Variants in SMLR1 observed in about 807,000 individuals in gnomAD.
The protein encoded by SMLR1 is small leucine rich protein 1.
A neutral mutation model predicts 6.1 loss-of-function variants in SMLR1; 3 were observed. The observed-to-expected ratio is 0.49, with a 90% CI of 0.22 to 1.28. The LOEUF (loss-of-function observed/expected upper bound fraction) is 1.28. Ranked by LOEUF, SMLR1 falls within the 50% of genes most tolerant of loss-of-function variation. SMLR1 has a pLI of 0.19. For synonymous variants in SMLR1, 55 were observed against 53.6 expected, an observed-to-expected ratio of 1.03 and a Z score of -0.11; for missense variants, 126 against 124.8, an observed-to-expected ratio of 1.01 and a Z score of -0.05.
At position 130,836,697 on chromosome 6, in the gene SMLR1, C is replaced by T. The variant is rs1000003991; in HGVS notation, c.*1742C>T. 6.6e-6 allele frequency: 1 copy of T among 152,170 alleles called. No individual in the cohort carries two copies. The highest frequency in any genetic ancestry group is 2.4e-5 in the African/African-American group (1 of 41,440). 9.4% of individuals were successfully genotyped at this position (152,170 alleles called of 1,614,324 possible). On this transcript the variant is annotated 3_prime_UTR_variant, in exon 2 of 2. Transcript: ENST00000541421. ...TTTTATATGTAGAGAGGGGCAGAAACATGTTCATTTTCCCATGAAGGAACA... is the reference window on the plus strand; with the variant it reads ...TTTTATATGTAGAGAGGGGCAGAAATATGTTCATTTTCCCATGAAGGAACA...
rs1774309089 is a variant in SMLR1 at position 130,827,434 on chromosome 6, C to G, written c.21C>G (p.Ser7Arg). 6.5e-7 allele frequency: 1 copy of G among 1,535,778 alleles called. No homozygotes were observed. ...GAGACATGCTGAGCAAAGGCCGGAGCCCCAGAAGAAAACAAGTACAGACTC... is the reference window on the plus strand; with the variant it reads ...GAGACATGCTGAGCAAAGGCCGGAGGCCCAGAAGAAAACAAGTACAGACTC... MLSKGRSPRRKQVQTQR... is the reference protein window; with the variant it reads MLSKGRRPRRKQVQTQR... Residue 7 changes from serine to arginine, a missense_variant, in exon 1 of 2, where the codon AGC (serine) becomes AGG (arginine). Ser to Arg is a moderately radical substitution (Grantham distance 110, BLOSUM62 -1). Coordinates refer to ENST00000541421, the MANE Select transcript of SMLR1 (RefSeq NM_001195597.2).
rs1774698419 is a variant in SMLR1, at chr6:130,837,131, T to C, written c.*2176T>C. The stretch of plus-strand genomic sequence containing the variant: ...TTCAATAAAACACTTCAATAGGTGC[T>C]TTAATTTCTGTCACATTGTCATTAT... On this transcript the variant is annotated 3_prime_UTR_variant, in exon 2 of 2. Transcript: ENST00000541421. 1 of 152,170 alleles carries C rather than the reference T, an allele frequency of 6.6e-6. No homozygotes were observed. The highest frequency in any genetic ancestry group is 2.4e-5 in the African/African-American group (1 of 41,446). 9.4% of individuals were successfully genotyped at this position (152,170 alleles called of 1,614,324 possible). A position where few individuals can be genotyped will look rare whatever the true frequency, so the allele number is the denominator to read the frequency against.
At chr6:130,833,770 TTGA>T in intron 1 of SMLR1, among the ~76,000 whole-genome samples, 1 of 152,148 alleles carries the variant, frequency 6.6e-6, no homozygotes, top group Non-Finnish European at 1.5e-5. Flanking sequence ...CTACTAAATC[TTGA>T]GGCCCATGTT....
chr6:130,829,081 T>C (rs1205954698), intron 1 of SMLR1, among the ~76,000 whole-genome samples: 1 of 152,218 alleles, frequency 6.6e-6, no homozygotes, highest in Non-Finnish European at 1.5e-5. Context: ...AATAAAACGA[T>C]GCTGATGTCA....
chr6:130,830,501 A>G (rs957655622), intron 1 of SMLR1, among the ~76,000 whole-genome samples: 2 of 152,136 alleles, frequency 1.3e-5, no homozygotes, highest in Non-Finnish European at 2.9e-5. Context: ...AAAGAATACT[A>G]ATGACTAGAA....
rs1322207765 is a variant in SMLR1 at position 130,834,939 on chromosome 6, G to T, written c.308G>T (p.Arg103Ile). The change falls in exon 2 of 2, where the codon AGA becomes ATA. Residue 103 changes from arginine to isoleucine, a missense_variant. Arg to Ile is a moderately conservative substitution (Grantham distance 97). Coordinates refer to ENST00000541421, the MANE Select transcript of SMLR1 (RefSeq NM_001195597.2). ...AAGGATGGCTCTTCCCTGTACCAGA[G>T]AATGAAATGGACGTGAAGTTGGGGA... ...NPKDGSSLYQRMKWT is the reference protein window; with the variant it reads ...NPKDGSSLYQIMKWT The T allele has an allele frequency of 6.5e-6, 10 of 1,535,288 alleles. No individual in the cohort carries two copies. The highest frequency in any genetic ancestry group is 8.7e-6 in the Non-Finnish European group (10 of 1,146,296).
Position 130,836,531 on chromosome 6 carries a change from A to T in SMLR1, c.*1576A>T, listed in dbSNP as rs951645574. The T allele has an allele frequency of 6.6e-6, 1 of 152,192 alleles. No individual in the cohort carries two copies. The highest frequency in any genetic ancestry group is 1.5e-5 in the Non-Finnish European group (1 of 68,036). 9.4% of individuals were successfully genotyped at this position (152,192 alleles called of 1,614,324 possible). A position where few individuals can be genotyped will look rare whatever the true frequency, so the allele number is the denominator to read the frequency against. On this transcript the variant is annotated 3_prime_UTR_variant, in exon 2 of 2. Transcript: ENST00000541421. The stretch of plus-strand genomic sequence containing the variant: ...TGGGTGCTGGTCCACCATCTCAGCT[A>T]TTGTGATAACACATGAGCTCTATAT...
At chr6:130,827,764 A>ATT (rs1774321582) in intron 1 of SMLR1, 113 bp downstream of exon 1, 5 of 736,868 alleles carry the variant, frequency 6.8e-6, no homozygotes, top group East Asian at 5.6e-5. Context: ...ATATATATAT[A>ATT]TTTTGTAGGT....
chr6:130,836,374 A>T lies in SMLR1; in HGVS notation c.*1419A>T, dbSNP rs1196965942. 6.6e-6 allele frequency: 1 copy of T among 152,148 alleles called. No homozygotes were observed. The highest frequency in any genetic ancestry group is 1.5e-5 in the Non-Finnish European group (1 of 68,014). 9.4% of individuals were successfully genotyped at this position (152,148 alleles called of 1,614,324 possible). ...CAGCTTATGTAAAAATGCTTTCTTTAACAGAAAGTGTGAAAGGACAGATCG... is the reference window on the plus strand; with the variant it reads ...CAGCTTATGTAAAAATGCTTTCTTTTACAGAAAGTGTGAAAGGACAGATCG... On this transcript the variant is annotated 3_prime_UTR_variant, in exon 2 of 2. Transcript: ENST00000541421.
In SMLR1 at chr6:130,827,611, GCTC is replaced by G. The variant is rs888745816; in HGVS notation, c.205_207del (p.Leu69del). The stretch of plus-strand genomic sequence containing the variant: ...TCTTCCTCCCCGTGACTTTGCTGCT[GCTC>G]CTCCTCATCGCCTACTTCAGGATCA... On this transcript the variant is annotated inframe_deletion, in exon 1 of 2. Coordinates refer to ENST00000541421, the MANE Select transcript of SMLR1 (RefSeq NM_001195597.2). 1.6e-5 allele frequency: 25 copies of G among 1,535,884 alleles called. No homozygotes were observed. Among genetic ancestry groups the G allele is most frequent in the East Asian group, 2.4e-5 (1 of 40,922 alleles).
At chr6:130,831,325 A>G (rs1774438714) in intron 1 of SMLR1, among the ~76,000 whole-genome samples, 2 of 152,122 alleles carry the variant, frequency 1.3e-5, no homozygotes, top group Admixed American at 6.6e-5. Flanking sequence ...CCTCTCCCAC[A>G]TGGAATCAGT....
intron 1 of SMLR1, among the ~76,000 whole-genome samples, chr6:130,831,573 G>T (rs1359784548): frequency 2.0e-5 from 3 of 152,150 alleles, no homozygotes; most frequent in Admixed American, 6.5e-5. Context: ...GAGGGCAAAT[G>T]AGATCACTGG....
Position 130,835,043 on chromosome 6 carries a change from A to G in SMLR1, c.*88A>G. ...ACAGTTCAGCTAATAAAGTAGGTTGATAAACTAGAACCATAGCAAAATAGA... is the reference window on the plus strand; with the variant it reads ...ACAGTTCAGCTAATAAAGTAGGTTGGTAAACTAGAACCATAGCAAAATAGA... On this transcript the variant is annotated 3_prime_UTR_variant, in exon 2 of 2. Transcript: ENST00000541421. 2.0e-6 allele frequency: 2 copies of G among 1,022,706 alleles called. No homozygotes were observed. Among genetic ancestry groups the G allele is most frequent in the Non-Finnish European group, 2.9e-6 (2 of 682,404 alleles). The allele number at this position is 1,022,706 out of a possible 1,614,324, so 63.4% of individuals were successfully genotyped here. A position where few individuals can be genotyped will look rare whatever the true frequency, so the allele number is the denominator to read the frequency against.
intron 1 of SMLR1, among the ~76,000 whole-genome samples, chr6:130,830,355 G>A (rs1241466958): frequency 6.6e-6 from 1 of 152,042 alleles, no homozygotes; most frequent in East Asian, 1.9e-4. Flanking sequence ...AAGTGTGCCT[G>A]GAGCTTCCAG....
rs1774682841 is a variant in SMLR1, at chr6:130,836,772, A to G, written c.*1817A>G. 6.6e-6 allele frequency: 1 copy of G among 152,342 alleles called. No individual in the cohort carries two copies. The highest frequency in any genetic ancestry group is 2.4e-5 in the African/African-American group (1 of 41,580). The allele number at this position is 152,342 out of a possible 1,614,324, so 9.4% of individuals were successfully genotyped here. A position where few individuals can be genotyped will look rare whatever the true frequency, so the allele number is the denominator to read the frequency against. On this transcript the variant is annotated 3_prime_UTR_variant, in exon 2 of 2. Transcript: ENST00000541421. ...TGAAGGCACTGCTAACGAATTTGTC[A>G]AATCCTTTATCCAGCACAGCTTTAC...
chr6:130,831,179 A>C lies in SMLR1; in HGVS notation c.238+3528A>C, dbSNP rs187560517. The stretch of plus-strand genomic sequence containing the variant: ...TTCTGTTGAGACTGAGCCCAAAGCA[A>C]ACCGGGTGAGAAATGTGGGGGCCCT... On this transcript the variant is annotated intron_variant, in intron 1 of 1. Transcript: ENST00000541421. 2.0e-3 allele frequency among the ~76,000 whole-genome samples: 304 copies of C among 152,274 alleles called. 1 individual carries two copies. The highest frequency in any genetic ancestry group is 3.4e-3 in the Non-Finnish European group (228 of 68,020).
intron 1 of SMLR1, among the ~76,000 whole-genome samples, chr6:130,832,208 G>A (rs184451954): frequency 4.6e-5 from 7 of 151,988 alleles, no homozygotes; most frequent in African/African-American, 1.2e-4. Context: ...AAACACCATC[G>A]CCCTGATCAG....
chr6:130,828,570 C>CTA (rs2128384152), intron 1 of SMLR1, among the ~76,000 whole-genome samples: 1 of 152,200 alleles, frequency 6.6e-6, no homozygotes, highest in East Asian at 1.9e-4. Context: ...ATCACTAATG[C>CTA]TATAATATAT....
chr6:130,832,113 A>G (rs980545108), intron 1 of SMLR1, among the ~76,000 whole-genome samples: 1 of 152,102 alleles, frequency 6.6e-6, no homozygotes, highest in Non-Finnish European at 1.5e-5. Context: ...GACATTTTGC[A>G]TCTTCTAGGT....
Sources: gnomAD v4.1 joint callset for allele counts (sites outside exome capture counted in the v4.1 genomes callset) on GRCh38, gnomAD v4.1.1 for gene constraint, MANE v1.5 for transcripts, NCBI Gene and HGNC (gene_info 2026-07-23, HGNC 2026-07-21) for gene names.